Variants in SLC2A13 observed in about 807,000 individuals in gnomAD.
SLC2A13 encodes solute carrier family 2 member 13, also known as proton myo-inositol cotransporter.
SLC2A13 carries 32 observed loss-of-function variants against 64.4 expected under a neutral mutation model. The ratio of observed to expected loss-of-function variants is 0.50; its 90% confidence interval spans 0.37 to 0.67. The LOEUF is 0.67. Among genes scored for constraint, SLC2A13 ranks in the 30% least tolerant of loss-of-function variants. The probability of loss-of-function intolerance (pLI) is 0.00; values close to 1 mark genes in which losing one functional copy is unlikely to be tolerated. For missense variants in SLC2A13, 743 were observed against 829.2 expected (o/e 0.90, Z 1.28); for synonymous variants, 338 against 327.1 (o/e 1.03, Z -0.36).
At chr12:39,951,916 C>T (rs1411445445) in intron 3 of SLC2A13, among the ~76,000 whole-genome samples, 1 of 151,880 alleles carries the variant, frequency 6.6e-6, no homozygotes, top group Non-Finnish European at 1.5e-5. Flanking sequence ...ATAAAAGTTA[C>T]CAAAAAGTTA....
chr12:39,789,921 T>G (rs73272566), intron 7 of SLC2A13, among the ~76,000 whole-genome samples: 1 of 152,112 alleles, frequency 6.6e-6, no homozygotes, highest in Non-Finnish European at 1.5e-5. Context: ...CGTCCAGATA[T>G]ATTATAAATC....
In SLC2A13 at chr12:39,783,247, C is replaced by G. The variant is rs143257442; in HGVS notation, c.1446-18389G>C. 3.2e-3 allele frequency among the ~76,000 whole-genome samples: 491 copies of G among 152,296 alleles called. 7 individuals carry two copies. The highest frequency in any genetic ancestry group is 0.012 in the African/African-American group (479 of 41,562). ...AGTATTCCATGGTGTATATGTGCCA[C>G]ATTTTCTTAATTCACTCTATCACTG... On this transcript the variant is annotated intron_variant, in intron 7 of 9. Coordinates refer to ENST00000280871, the MANE Select transcript of SLC2A13 (RefSeq NM_052885.4).
intron 1 of SLC2A13, among the ~76,000 whole-genome samples, chr12:40,091,640 TA>T (rs1469825733): frequency 6.6e-6 from 1 of 152,218 alleles, no homozygotes; most frequent in African/African-American, 2.4e-5. Context: ...TTTCTCTCCT[TA>T]ACCAGAAACT....
chr12:40,044,349 A>G (rs1948140533), intron 2 of SLC2A13, among the ~76,000 whole-genome samples: 1 of 152,094 alleles, frequency 6.6e-6, no homozygotes, highest in African/African-American at 2.4e-5. Flanking sequence ...TAAGGAGTGC[A>G]AGGTTTCTTT....
At chr12:40,080,558 T>C (rs1938358237) in intron 1 of SLC2A13, among the ~76,000 whole-genome samples, 1 of 152,056 alleles carries the variant, frequency 6.6e-6, no homozygotes, top group Non-Finnish European at 1.5e-5. Context: ...GCCTGGCTAT[T>C]TTTTTGTATT....
chr12:40,085,333 G>T (rs531856639), intron 1 of SLC2A13, among the ~76,000 whole-genome samples: 1 of 152,252 alleles, frequency 6.6e-6, no homozygotes, highest in Non-Finnish European at 1.5e-5. Flanking sequence ...CCAACTTGAA[G>T]TAGTTGGTTG....
chr12:39,810,093 C>T (rs1942106595), intron 7 of SLC2A13, among the ~76,000 whole-genome samples: 1 of 152,298 alleles, frequency 6.6e-6, no homozygotes, highest in Non-Finnish European at 1.5e-5. Flanking sequence ...CTGACTTCCA[C>T]AATGGTTGGA....
chr12:39,832,655 G>T (rs1004741963), intron 6 of SLC2A13, among the ~76,000 whole-genome samples: 2 of 151,978 alleles, frequency 1.3e-5, no homozygotes, highest in African/African-American at 4.8e-5. Context: ...CACTGCCCTC[G>T]TGAAGCTGAT....
At chr12:39,895,514 TTATATATATATATATATATATATATA>T (rs777418112) in intron 4 of SLC2A13, among the ~76,000 whole-genome samples, 1 of 56,664 alleles carries the variant, frequency 1.8e-5, no homozygotes, top group African/African-American at 7.6e-5. Flanking sequence ...AAAAAAAAAA[TTATATATATATATATATATATATATA>T]TATATATATA....
rs147895391 is a variant in SLC2A13, at chr12:39,776,522, T to C, written c.1446-11664A>G. Among the ~76,000 whole-genome samples, 1,287 of 152,252 alleles carry C rather than the reference T, an allele frequency of 8.5e-3. 22 individuals are homozygous for C. The highest frequency in any genetic ancestry group is 0.029 in the African/African-American group (1,195 of 41,524). On this transcript the variant is annotated intron_variant, in intron 7 of 9. Coordinates refer to ENST00000280871, the MANE Select transcript of SLC2A13 (RefSeq NM_052885.4). ...CTCTGAGAAGTCAGAATATGAAATATTGAAAGAGGATAGAGTGACACAGAA... is the reference window on the plus strand; with the variant it reads ...CTCTGAGAAGTCAGAATATGAAATACTGAAAGAGGATAGAGTGACACAGAA...
chr12:39,805,843 G>T (rs1222460708), intron 7 of SLC2A13, among the ~76,000 whole-genome samples: 1 of 152,236 alleles, frequency 6.6e-6, no homozygotes, highest in East Asian at 1.9e-4. Context: ...TCTCTACTAT[G>T]TTTGCTGAAG....
chr12:39,999,907 C>A (rs28365677), intron 3 of SLC2A13, among the ~76,000 whole-genome samples: 1 of 152,214 alleles, frequency 6.6e-6, no homozygotes, highest in Admixed American at 6.5e-5. Context: ...GTGGGCATCA[C>A]GGTCCTACCA....
chr12:39,968,734 T>TTG (rs1555144089), intron 3 of SLC2A13, among the ~76,000 whole-genome samples: 1 of 131,258 alleles, frequency 7.6e-6, no homozygotes, highest in Non-Finnish European at 1.6e-5. Context: ...CTGCCCTTTC[T>TTG]TTTTTATTTT....
chr12:39,770,946 T>C (rs1376974557), intron 7 of SLC2A13, among the ~76,000 whole-genome samples: 3 of 152,150 alleles, frequency 2.0e-5, no homozygotes, highest in South Asian at 2.1e-4. Flanking sequence ...CTAGGTGTAA[T>C]ATCTCAAAGC....
intron 7 of SLC2A13, among the ~76,000 whole-genome samples, chr12:39,782,316 C>G (rs1941018213): frequency 6.6e-6 from 1 of 151,838 alleles, no homozygotes; most frequent in Non-Finnish European, 1.5e-5. Flanking sequence ...TGGAAGGTAC[C>G]CAGGGGGAGC....
intron 3 of SLC2A13, among the ~76,000 whole-genome samples, chr12:40,001,910 T>C (rs1459752814): frequency 1.3e-5 from 2 of 152,174 alleles, no homozygotes; most frequent in Non-Finnish European, 2.9e-5. Context: ...TGGGTAAACA[T>C]AATAAAGTTT....
intron 4 of SLC2A13, among the ~76,000 whole-genome samples, chr12:39,932,967 C>G (rs1945853915): frequency 6.6e-6 from 1 of 152,090 alleles, no homozygotes; most frequent in African/African-American, 2.4e-5. Context: ...GTAATGGAGC[C>G]TGTAATCCCA....
At chr12:40,047,512 T>C (rs906711386) in intron 2 of SLC2A13, among the ~76,000 whole-genome samples, 2 of 152,228 alleles carry the variant, frequency 1.3e-5, no homozygotes, top group African/African-American at 4.8e-5. Flanking sequence ...TTTGTATTTA[T>C]TTTAAAGCAG....
At chr12:39,908,019 C>T (rs1415523891) in intron 4 of SLC2A13, 1 of 152,022 alleles carries the variant, frequency 6.6e-6, no homozygotes, top group Non-Finnish European at 1.5e-5. Flanking sequence ...AATTCATGAA[C>T]CACAATTCCC....
Sources: gnomAD v4.1 joint callset for allele counts (sites outside exome capture counted in the v4.1 genomes callset) on GRCh38, gnomAD v4.1.1 for gene constraint, MANE v1.5 for transcripts, NCBI Gene and HGNC (gene_info 2026-07-23, HGNC 2026-07-21) for gene names.